DRC8: variants seen among roughly 807,000 people sequenced by gnomAD.
DRC8 encodes dynein regulatory complex protein 8.
chr1:245,063,919 C>T, the DRC8 span, among the ~76,000 whole-genome samples: 1 of 152,144 alleles, frequency 6.6e-6, no homozygotes, highest in Non-Finnish European at 1.5e-5. Context: ...GACGGGGTTT[C>T]ACCATGTCGG....
chr1:245,010,897 G>A, the DRC8 span, among the ~76,000 whole-genome samples: 3 of 151,822 alleles, frequency 2.0e-5, no homozygotes, highest in Admixed American at 1.3e-4. Context: ...TAGCCAGGAT[G>A]GTCTCGATCT....
At chr1:245,031,826 C>T in the DRC8 span, among the ~76,000 whole-genome samples, 2 of 152,120 alleles carry the variant, frequency 1.3e-5, no homozygotes, top group Non-Finnish European at 2.9e-5. Context: ...GAGCGACCAT[C>T]GCTTTGCTAC....
the DRC8 span, among the ~76,000 whole-genome samples, chr1:245,009,143 C>T: frequency 7.4e-6 from 1 of 135,794 alleles, no homozygotes; most frequent in African/African-American, 2.7e-5. Context: ...TCAAGTGATT[C>T]TCCTGCCTCA....
the DRC8 span, among the ~76,000 whole-genome samples, chr1:245,044,550 G>GATTGATTT: frequency 3.1e-4 from 46 of 150,014 alleles, no homozygotes; most frequent in East Asian, 8.6e-3. Flanking sequence ...GCCCAGGCTG[G>GATTGATTT]ATTTATTTAT....
At chr1:245,046,979 G>T in the DRC8 span, among the ~76,000 whole-genome samples, 1 of 152,192 alleles carries the variant, frequency 6.6e-6, no homozygotes, top group African/African-American at 2.4e-5. Context: ...TTTAGAGGGC[G>T]AGCCATTGCT....
the DRC8 span, among the ~76,000 whole-genome samples, chr1:245,111,170 G>C: frequency 6.6e-6 from 1 of 152,156 alleles, no homozygotes. Context: ...TAATGAGAAA[G>C]AGCAGCAAAG....
At chr1:245,003,577 G>A in the DRC8 span, among the ~76,000 whole-genome samples, 1 of 152,070 alleles carries the variant, frequency 6.6e-6, no homozygotes, top group Non-Finnish European at 1.5e-5. Flanking sequence ...TCCTATTTGG[G>A]GAAGATTGAC....
At chr1:244,980,864 A>G in the DRC8 span, among the ~76,000 whole-genome samples, 1 of 152,172 alleles carries the variant, frequency 6.6e-6, no homozygotes, top group African/African-American at 2.4e-5. Context: ...AATGGTTGAG[A>G]ATGTCCAGAA....
At chr1:245,010,936 C>T in the DRC8 span, among the ~76,000 whole-genome samples, 3 of 152,096 alleles carry the variant, frequency 2.0e-5, no homozygotes, top group African/African-American at 7.2e-5. Context: ...CTGCCTCGGC[C>T]TCCCAAAGTG....
chr1:244,998,459 C>A, the DRC8 span, among the ~76,000 whole-genome samples: 5 of 152,174 alleles, frequency 3.3e-5, no homozygotes, highest in African/African-American at 1.2e-4. Flanking sequence ...AATCCTTCCA[C>A]CTTGGCCTCC....
At chr1:244,985,668 A>C in the DRC8 span, among the ~76,000 whole-genome samples, 25 of 151,958 alleles carry the variant, frequency 1.6e-4, no homozygotes, top group Non-Finnish European at 3.1e-4. Flanking sequence ...GTTCAAGACC[A>C]GCCTGGCTAA....
chr1:244,980,944 A>G, the DRC8 span, among the ~76,000 whole-genome samples: 1 of 152,182 alleles, frequency 6.6e-6, no homozygotes, highest in Non-Finnish European at 1.5e-5. Flanking sequence ...GCACCTTGGG[A>G]GGCCCAGGCG....
the DRC8 span, chr1:245,083,763 A>G: frequency 4.3e-4 from 649 of 1,516,618 alleles, 3 homozygotes; most frequent in Non-Finnish European, 3.6e-4. Flanking sequence ...TGCGAAAGTT[A>G]TAGGGGATAC....
the DRC8 span, among the ~76,000 whole-genome samples, chr1:245,041,318 AAAG>A: frequency 6.6e-6 from 1 of 152,222 alleles, no homozygotes; most frequent in Non-Finnish European, 1.5e-5. Flanking sequence ...ATGCTGTGAA[AAAG>A]AAGTTTCTCG....
At chr1:245,053,059 A>T in the DRC8 span, among the ~76,000 whole-genome samples, 1 of 152,214 alleles carries the variant, frequency 6.6e-6, no homozygotes, top group Non-Finnish European at 1.5e-5. Context: ...TGTCAAGACC[A>T]ATAAAAAGTT....
At chr1:245,032,600 T>G in the DRC8 span, among the ~76,000 whole-genome samples, 1 of 152,246 alleles carries the variant, frequency 6.6e-6, no homozygotes, top group African/African-American at 2.4e-5. Context: ...TGCTAAGTTA[T>G]AAACTTACTG....
chr1:245,000,085 C>G, the DRC8 span, among the ~76,000 whole-genome samples: 1 of 152,238 alleles, frequency 6.6e-6, no homozygotes, highest in Non-Finnish European at 1.5e-5. Flanking sequence ...TCCCAGGGTG[C>G]TGGGATTACA....
At chr1:245,035,520 G>A in the DRC8 span, among the ~76,000 whole-genome samples, 1 of 152,104 alleles carries the variant, frequency 6.6e-6, no homozygotes, top group Non-Finnish European at 1.5e-5. Flanking sequence ...ATATCCACAT[G>A]CAAATGAATG....
At chr1:245,063,003 A>G in the DRC8 span, among the ~76,000 whole-genome samples, 2 of 152,188 alleles carry the variant, frequency 1.3e-5, no homozygotes, top group Non-Finnish European at 2.9e-5. Context: ...TGGCTTGCAG[A>G]AGACACCATC....
Sources: allele counts gnomAD v4.1 joint callset (sites outside exome capture counted in the v4.1 genomes callset), GRCh38; gene constraint gnomAD v4.1.1; transcripts MANE v1.5; gene names NCBI Gene and HGNC (gene_info 2026-07-23, HGNC 2026-07-21).